The following CLCNKA variants were observed in gnomAD, a reference collection of about 807,000 sequenced individuals.
CLCNKA encodes chloride voltage-gated channel Ka.
CLCNKA carries 66 observed loss-of-function variants against 83.3 expected under a neutral mutation model. The observed-to-expected ratio is 0.79, with a 90% CI of 0.65 to 0.97. CLCNKA has a LOEUF of 0.97. Among genes scored for constraint, CLCNKA ranks in the 50% least tolerant of loss-of-function variants. CLCNKA has a pLI of 0.00. For missense variants in CLCNKA, 806 were observed against 888.7 expected (o/e 0.91, Z 1.18); for synonymous variants, 357 against 370.4 (o/e 0.96, Z 0.42).
In CLCNKA at chr1:16,028,050, T is replaced by C. The variant is rs2022443190; in HGVS notation, c.899T>C (p.Leu300Pro). 1 of 1,613,280 alleles carries C rather than the reference T, an allele frequency of 6.2e-7. No homozygotes were observed. Among genetic ancestry groups the C allele is most frequent in the African/African-American group, 1.3e-5 (1 of 74,844 alleles). Residue 300 changes from leucine (L) to proline (P), a missense_variant, in exon 10 of 20, where the codon CTC becomes CCC. Physicochemically the swap from Leu to Pro is moderately conservative, Grantham distance 98. Coordinates refer to ENST00000331433, the MANE Select transcript of CLCNKA (RefSeq NM_004070.4). ...TGCGGCGTCCTGAGCTGTGCTTACC[T>C]CTTCTGTCAGCGAACCTTCCTCAGC... ...GICGVLSCAY[L>P]FCQRTFLSFI... is the part of the protein sequence containing the mutation.
chr1:16,030,202 T>A, intron 14 of CLCNKA, 127 bp downstream of exon 14: 1 of 765,070 alleles, frequency 1.3e-6, no homozygotes, highest in East Asian at 2.7e-5. Context: ...CTACCCCTCA[T>A]GGGGGTCTGT....
At chr1:16,023,672 C>T (rs2022228320) in intron 2 of CLCNKA, 128 bp from the exon 3 acceptor site, 3 of 1,068,366 alleles carry the variant, frequency 2.8e-6, no homozygotes, top group East Asian at 5.2e-5. Flanking sequence ...TCAGGCGGGG[C>T]CCCCTCAGGA....
rs766923058 is a variant in CLCNKA at position 16,022,602 on chromosome 1, TG to T, written c.-7-10del. Reference sequence around the variant, plus strand: ...GCTCACCCGGGTCCTTCCCTCCATCTGCTTCTCCAGGGGCCTGATGGAGGAG... The same window carrying T: ...GCTCACCCGGGTCCTTCCCTCCATCTCTTCTCCAGGGGCCTGATGGAGGAG... On this transcript the variant is annotated splice_polypyrimidine_tract_variant and intron_variant, in intron 1 of 19. Transcript: ENST00000331433. 10 of 1,548,666 alleles carry T rather than the reference TG, an allele frequency of 6.5e-6. No homozygotes were observed. In the East Asian group the frequency reaches 2.4e-4, roughly 37 times the overall value.
chr1:16,023,302 A>G (rs2022215238), intron 2 of CLCNKA, among the ~76,000 whole-genome samples: 3 of 152,336 alleles, frequency 2.0e-5, no homozygotes, highest in Non-Finnish European at 4.4e-5. Flanking sequence ...GGACACGCAG[A>G]AGTCTGCTAG....
chr1:16,033,312 G>A, intron 19 of CLCNKA, 56 bp downstream of exon 19: 1 of 1,577,316 alleles, frequency 6.3e-7, no homozygotes, highest in South Asian at 1.1e-5. Flanking sequence ...AGAAGGCTGG[G>A]GAGATGGGGA....
chr1:16,029,517 G>C lies in CLCNKA; in HGVS notation c.1228-214G>C, dbSNP rs554824805. ...ATGGGGTGGTTACTGGGAAGGCAGA[G>C]AAGGAAGAAAGGAATGTACCTGGCA... On this transcript the variant is annotated intron_variant, in intron 12 of 19. Transcript: ENST00000331433. 1.1e-4 allele frequency among the ~76,000 whole-genome samples: 16 copies of C among 152,326 alleles called. No homozygotes were observed. The South Asian group carries it at 2.9e-3, about 28-fold the overall frequency.
rs1408156970 is a variant in CLCNKA, at chr1:16,029,239, G to A, written c.1167G>A (p.Trp389Ter). The change falls in exon 12 of 20, where the codon TGG becomes TGA. Residue 389 changes from tryptophan (W) to a stop codon, truncating the protein, a stop_gained. Coordinates refer to ENST00000331433, the MANE Select transcript of CLCNKA (RefSeq NM_004070.4). LOFTEE classifies it high-confidence loss of function. ...PEELDPQHLW[W>*]EWYHPRFTIF... ...AGCTCGACCCCCAGCACCTTTGGTG[G>A]GAATGGTACCACCCGCGGTTCACCA... 1.2e-6 allele frequency: 2 copies of A among 1,613,810 alleles called. No homozygotes were observed. Among genetic ancestry groups the A allele is most frequent in the African/African-American group, 1.3e-5 (1 of 75,054 alleles).
rs377486955 is a variant in CLCNKA at position 16,022,619 on chromosome 1, G to A, written c.-1G>A. The A allele has an allele frequency of 2.6e-5, 41 of 1,562,296 alleles. No individual in the cohort carries two copies. Among genetic ancestry groups the A allele is most frequent in the Non-Finnish European group, 3.1e-5 (36 of 1,152,722 alleles). Reference sequence around the variant, plus strand: ...CCTCCATCTGCTTCTCCAGGGGCCTGATGGAGGAGTTGGTGGGGCTGCGTG... The same window carrying A: ...CCTCCATCTGCTTCTCCAGGGGCCTAATGGAGGAGTTGGTGGGGCTGCGTG... On this transcript the variant is annotated 5_prime_UTR_variant, in exon 2 of 20. Coordinates refer to ENST00000331433, the MANE Select transcript of CLCNKA (RefSeq NM_004070.4).
chr1:16,029,936 G>A, intron 13 of CLCNKA, 29 bp from the exon 14 acceptor site: 2 of 1,602,784 alleles, frequency 1.2e-6, no homozygotes, highest in South Asian at 2.2e-5. Flanking sequence ...GGTCAGCCTG[G>A]CTCCCCCTCA....
chr1:16,024,035 C>T (rs942696824), intron 3 of CLCNKA, 107 bp downstream of exon 3: 73 of 1,383,062 alleles, frequency 5.3e-5, no homozygotes, highest in Middle Eastern at 1.9e-4. Context: ...GACCTGGGTG[C>T]GGGGAGGGCT....
At chr1:16,033,392 T>C (rs552384508) in intron 19 of CLCNKA, 136 bp downstream of exon 19, 6 of 1,160,602 alleles carry the variant, frequency 5.2e-6, no homozygotes, top group African/African-American at 4.5e-5. Context: ...AGTCCCTCTT[T>C]CTGGCCCAGA....
chr1:16,032,385 C>G (rs1218764052), intron 17 of CLCNKA, 58 bp from the exon 18 acceptor site: 2 of 1,557,682 alleles, frequency 1.3e-6, no homozygotes, highest in Admixed American at 1.7e-5. Flanking sequence ...GAGAGGTGGT[C>G]TGAGAGAGGC....
At chr1:16,032,324 G>T in intron 17 of CLCNKA, 33 bp downstream of exon 17, 1 of 1,490,720 alleles carries the variant, frequency 6.7e-7, no homozygotes, top group African/African-American at 1.4e-5. Flanking sequence ...GGGATGGGGC[G>T]GGGGTGGGTC....
chr1:16,029,358 C>T (rs772561976), intron 12 of CLCNKA, 59 bp downstream of exon 12: 41 of 1,611,238 alleles, frequency 2.5e-5, no homozygotes, highest in Admixed American at 1.0e-4. Flanking sequence ...TGGGGAGGGG[C>T]GGGGGTGCCT....
Position 16,030,502 on chromosome 1 carries a change from A to T in CLCNKA, c.1450A>T (p.Thr484Ser). 1 of 1,612,926 alleles carries T rather than the reference A, an allele frequency of 6.2e-7. No individual in the cohort carries two copies. The highest frequency in any genetic ancestry group is 8.5e-7 in the Non-Finnish European group (1 of 1,179,996). The stretch of plus-strand genomic sequence containing the variant: ...AGGGGCTGTGACCCACACCATCTCC[A>T]CGGCGCTGCTGGCCTTTGAGCTGAC... Reference protein sequence around the residue: ...FSGAVTHTISTALLAFELTGQ... With the variant: ...FSGAVTHTISSALLAFELTGQ... Residue 484 changes from threonine to serine, a missense_variant, in exon 15 of 20, where the codon ACG (threonine) becomes TCG (serine). Coordinates refer to ENST00000331433, the MANE Select transcript of CLCNKA (RefSeq NM_004070.4).
At chr1:16,031,638 C>T (rs2022627830) in intron 15 of CLCNKA, 72 bp from the exon 16 acceptor site, 2 of 1,609,074 alleles carry the variant, frequency 1.2e-6, no homozygotes, top group South Asian at 1.1e-5. Flanking sequence ...CAAAGCTCCC[C>T]TCAGATCCCC....
At chr1:16,031,147 A>G (rs568814196) in intron 15 of CLCNKA, among the ~76,000 whole-genome samples, 112 of 152,324 alleles carry the variant, frequency 7.4e-4, no homozygotes, top group Non-Finnish European at 1.2e-3. Flanking sequence ...GGCGCCAGAA[A>G]AGCAGACCAA....
At chr1:16,022,453 C>A (rs916500600) in intron 1 of CLCNKA, among the ~76,000 whole-genome samples, 160 bp from the exon 2 acceptor site, 4 of 152,150 alleles carry the variant, frequency 2.6e-5, no homozygotes, top group African/African-American at 7.2e-5. Context: ...AGTGACGGAA[C>A]CTCAGGGATG....
rs2022540621 is a variant in CLCNKA, at chr1:16,029,779, T to C, written c.1276T>C (p.Phe426Leu). 6.2e-7 allele frequency: 1 copy of C among 1,614,044 alleles called. No homozygotes were observed. The highest frequency in any genetic ancestry group is 8.5e-7 in the Non-Finnish European group (1 of 1,180,030). Residue 426 changes from phenylalanine (F) to leucine (L), a missense_variant, in exon 13 of 20, where the codon TTC becomes CTC. Coordinates refer to ENST00000331433, the MANE Select transcript of CLCNKA (RefSeq NM_004070.4). Reference sequence around the variant, plus strand: ...CACCATCCCCATGCCTGCCGGGTACTTCATGCCCATCTTTATCCTTGGTGA... The same window carrying C: ...CACCATCCCCATGCCTGCCGGGTACCTCATGCCCATCTTTATCCTTGGTGA... Reference protein sequence around the residue: ...ATTIPMPAGYFMPIFILGAAI... With the variant: ...ATTIPMPAGYLMPIFILGAAI...
Sources: allele counts gnomAD v4.1 joint callset (sites outside exome capture counted in the v4.1 genomes callset), GRCh38; gene constraint gnomAD v4.1.1; transcripts MANE v1.5; gene names NCBI Gene and HGNC (gene_info 2026-07-23, HGNC 2026-07-21).